Variants in KIF1B observed in about 807,000 individuals in gnomAD.
The protein encoded by KIF1B is kinesin family member 1B.
A neutral mutation model predicts 241.9 loss-of-function variants in KIF1B; 76 were observed. That is an observed-to-expected ratio of 0.31 (90% CI 0.26 to 0.38). The LOEUF (loss-of-function observed/expected upper bound fraction) is 0.38, where lower values mean the gene tolerates loss of function less well. Ranked by LOEUF, KIF1B falls within the 10% of genes least tolerant of loss-of-function variation. KIF1B has a pLI of 1.00. For synonymous variants in KIF1B, 750 were observed against 796.7 expected, an observed-to-expected ratio of 0.94 and a Z score of 0.99; for missense variants, 1,622 against 2,271.4, an observed-to-expected ratio of 0.71 and a Z score of 5.81.
chr1:10,304,081 C>T lies in KIF1B; in HGVS notation c.2115+6835C>T, dbSNP rs140733878. Reference sequence around the variant, plus strand: ...GCCCCGCTTCCCCTTTAAGAGCAACCCTAAACACAGAAACTCTTGGAGTCC... The same window carrying T: ...GCCCCGCTTCCCCTTTAAGAGCAACTCTAAACACAGAAACTCTTGGAGTCC... On this transcript the variant is annotated intron_variant, in intron 22 of 48. Transcript: ENST00000676179. 511 of 1,613,924 alleles carry T rather than the reference C, an allele frequency of 3.2e-4. No individual in the cohort carries two copies. Among genetic ancestry groups the T allele is most frequent in the Middle Eastern group, 1.3e-3 (8 of 6,062 alleles).
chr1:10,304,809 C>T (rs1307165131), intron 22 of KIF1B: 2 of 1,485,958 alleles, frequency 1.3e-6, no homozygotes, highest in Non-Finnish European at 8.9e-7. Flanking sequence ...AGTTTCAACA[C>T]CTCCCTTTTG....
intron 22 of KIF1B, chr1:10,304,752 T>G: frequency 6.5e-7 from 1 of 1,544,690 alleles, no homozygotes; most frequent in Admixed American, 2.0e-5. Context: ...TTATTTACAT[T>G]ATAAATATTA....
At chr1:10,271,193 A>T (rs868238098) in intron 7 of KIF1B, among the ~76,000 whole-genome samples, 45 of 150,294 alleles carry the variant, frequency 3.0e-4, no homozygotes, top group African/African-American at 6.8e-4. Flanking sequence ...ATTAAAAAAA[A>T]TTTTTTTTTA....
intron 2 of KIF1B, among the ~76,000 whole-genome samples, chr1:10,252,245 G>A (rs1647492167): frequency 6.6e-6 from 1 of 151,970 alleles, no homozygotes; most frequent in African/African-American, 2.4e-5. Context: ...TCACCACGTT[G>A]GCCAGGCTGG....
At chr1:10,302,830 G>A (rs527464246) in intron 22 of KIF1B, among the ~76,000 whole-genome samples, 1 of 152,124 alleles carries the variant, frequency 6.6e-6, no homozygotes, top group East Asian at 1.9e-4. Flanking sequence ...AATTTTGTAT[G>A]ACCATAGGGT....
At chr1:10,345,588 G>C in intron 34 of KIF1B, 1 of 462,482 alleles carries the variant, frequency 2.2e-6, no homozygotes, top group Non-Finnish European at 3.9e-6. Flanking sequence ...CACAAAAGCT[G>C]TTTTCTCATC....
chr1:10,304,013 G>T, intron 22 of KIF1B: 1 of 1,611,368 alleles, frequency 6.2e-7, no homozygotes, highest in Non-Finnish European at 8.5e-7. Flanking sequence ...CAGCTTCGTC[G>T]GCAGAATGTA....
intron 2 of KIF1B, among the ~76,000 whole-genome samples, chr1:10,252,921 C>T (rs1647548061): frequency 6.6e-6 from 1 of 152,052 alleles, no homozygotes. Context: ...GATGGGGTTT[C>T]ACCATGTTGG....
intron 28 of KIF1B, among the ~76,000 whole-genome samples, chr1:10,335,840 TG>T (rs1652148527): frequency 7.9e-6 from 1 of 126,382 alleles, no homozygotes; most frequent in South Asian, 2.4e-4. Context: ...AAAAAACAAT[TG>T]AAAAAAAAAA....
At chr1:10,298,825 G>A (rs1296020843) in intron 22 of KIF1B, 3 of 152,004 alleles carry the variant, frequency 2.0e-5, no homozygotes, top group Admixed American at 6.6e-5. Flanking sequence ...TTATGCATAT[G>A]TATAAGTAAA....
intron 1 of KIF1B, among the ~76,000 whole-genome samples, chr1:10,231,344 C>T (rs1360728198): frequency 6.9e-6 from 1 of 144,540 alleles, no homozygotes; most frequent in African/African-American, 2.5e-5. Context: ...CCAAATGTTT[C>T]AAACTATAAT....
chr1:10,240,787 T>C (rs1008885912), intron 2 of KIF1B, among the ~76,000 whole-genome samples: 14 of 147,650 alleles, frequency 9.5e-5, no homozygotes, highest in Non-Finnish European at 1.8e-4. Flanking sequence ...TGGTCTTGAA[T>C]TCCTGGCCCC....
chr1:10,332,756 C>T (rs575324652), intron 27 of KIF1B, among the ~76,000 whole-genome samples: 6 of 150,916 alleles, frequency 4.0e-5, no homozygotes, highest in Admixed American at 1.3e-4. Flanking sequence ...ACCTTGTGAT[C>T]GGCCCGCCTC....
At chr1:10,306,268 C>A in intron 22 of KIF1B, 1 of 1,043,856 alleles carries the variant, frequency 9.6e-7, no homozygotes, top group Non-Finnish European at 1.2e-6. Flanking sequence ...TAAATGATGT[C>A]TGTAATGGGT....
chr1:10,345,166 A>G (rs1423869113), intron 34 of KIF1B, among the ~76,000 whole-genome samples: 13 of 152,194 alleles, frequency 8.5e-5, no homozygotes, highest in Admixed American at 7.9e-4. Flanking sequence ...AAAAAAGAAA[A>G]AAAAGCATAT....
At chr1:10,273,069 T>G in intron 10 of KIF1B, 38 bp downstream of exon 10, 1 of 1,480,622 alleles carries the variant, frequency 6.8e-7, no homozygotes, top group African/African-American at 1.4e-5. Context: ...TAGAATTGAC[T>G]TTTATGTTTT....
intron 1 of KIF1B, among the ~76,000 whole-genome samples, chr1:10,212,292 T>C (rs986789178): frequency 6.6e-6 from 1 of 152,224 alleles, no homozygotes; most frequent in Non-Finnish European, 1.5e-5. Context: ...CTCTAAGAAG[T>C]GAGGTGGTGC....
At chr1:10,270,245 TCTG>T (rs1648715446) in intron 7 of KIF1B, among the ~76,000 whole-genome samples, 1 of 152,216 alleles carries the variant, frequency 6.6e-6, no homozygotes, top group South Asian at 2.1e-4. Flanking sequence ...TATCCCTTCT[TCTG>T]TGGCAATTCC....
chr1:10,364,558 A>G (rs564848097), intron 41 of KIF1B, among the ~76,000 whole-genome samples: 2 of 152,178 alleles, frequency 1.3e-5, no homozygotes, highest in South Asian at 4.1e-4. Flanking sequence ...TTCACCTAAC[A>G]TCATAATTTT....
Sources: gnomAD v4.1 joint callset for allele counts (sites outside exome capture counted in the v4.1 genomes callset) on GRCh38, gnomAD v4.1.1 for gene constraint, MANE v1.5 for transcripts, NCBI Gene and HGNC (gene_info 2026-07-23, HGNC 2026-07-21) for gene names.